TMEM273: variants seen among roughly 807,000 people sequenced by gnomAD.
TMEM273 encodes the protein transmembrane protein 273, also known as chromosome 10 open reading frame 128.
TMEM273 carries 19 observed loss-of-function variants against 17.9 expected under a neutral mutation model. The ratio of observed to expected loss-of-function variants is 1.06; its 90% CI spans 0.74 to 1.55. The LOEUF (loss-of-function observed/expected upper bound fraction) is 1.55, where lower values mean the gene tolerates loss of function less well. TMEM273 is among the 40% of genes most tolerant of loss of function. TMEM273 has a pLI of 0.00. For missense variants in TMEM273, 194 were observed against 155.6 expected (o/e 1.25, Z -1.31); for synonymous variants, 66 against 62.0 (o/e 1.07, Z -0.31).
intron 3 of TMEM273, 22 bp from the exon 4 acceptor site, chr10:49,165,818 T>A (rs773220245): frequency 6.2e-7 from 1 of 1,614,096 alleles, no homozygotes; most frequent in East Asian, 2.2e-5. Flanking sequence ...AAGCCGGGCA[T>A]TAGGAAGGGG....
chr10:49,161,696 A>G, intron 5 of TMEM273, 74 bp from the exon 6 acceptor site: 1 of 1,590,370 alleles, frequency 6.3e-7, no homozygotes, highest in Non-Finnish European at 8.6e-7. Context: ...ACTTGCTGCA[A>G]GAGAGTGGCT....
chr10:49,178,432 G>T, intron 1 of TMEM273: 1 of 391,030 alleles, frequency 2.6e-6, no homozygotes. Flanking sequence ...CAGTACAGAG[G>T]GGAGTGGGAG....
chr10:49,157,177 C>T (rs1412691254), intron 6 of TMEM273, among the ~76,000 whole-genome samples: 1 of 152,230 alleles, frequency 6.6e-6, no homozygotes, highest in African/African-American at 2.4e-5. Flanking sequence ...AGCCTCCTCC[C>T]ACCCCTGGCT....
At chr10:49,186,099 GAAGAAGAAGAGGAAGAAGAAGAAA>G (rs1201164770) in intron 1 of TMEM273, among the ~76,000 whole-genome samples, 38 of 147,816 alleles carry the variant, frequency 2.6e-4, no homozygotes, top group African/African-American at 8.4e-4. Context: ...AGAAGAAGAA[GAAGAAGAAGAGGAAGAAGAAGAAA>G]AAGAGGAAGA....
chr10:49,172,570 T>A (rs569011593), intron 1 of TMEM273, among the ~76,000 whole-genome samples: 82 of 152,288 alleles, frequency 5.4e-4, no homozygotes, highest in Non-Finnish European at 1.0e-3. Context: ...TGTGGGGATC[T>A]GAGACTTCAC....
intron 1 of TMEM273, among the ~76,000 whole-genome samples, chr10:49,175,058 G>A (rs764005095): frequency 2.6e-4 from 39 of 151,976 alleles, no homozygotes; most frequent in South Asian, 8.3e-4. Flanking sequence ...ATAAAGTCTC[G>A]GTGAGGTGGC....
chr10:49,161,748 G>T, intron 5 of TMEM273, 126 bp from the exon 6 acceptor site: 1 of 1,050,200 alleles, frequency 9.5e-7, no homozygotes, highest in Non-Finnish European at 1.4e-6. Flanking sequence ...ACTTCCTCAT[G>T]ACTCAGCCTG....
At position 49,155,720 on chromosome 10, in the gene TMEM273, G is replaced by A; in HGVS notation, c.*172C>T. 1 of 880,454 alleles carries A rather than the reference G, an allele frequency of 1.1e-6. No homozygotes were observed. Among genetic ancestry groups the A allele is most frequent in the Non-Finnish European group, 1.8e-6 (1 of 569,506 alleles). 54.5% of individuals were successfully genotyped at this position (880,454 alleles called of 1,614,324 possible). A position where few individuals can be genotyped will look rare whatever the true frequency, so the allele number is the denominator to read the frequency against. ...AGAAGAGGCATGATATTTTCCTTCAGGACAGAGGCACTGTATATTCTATTC... is the reference window on the plus strand; with the variant it reads ...AGAAGAGGCATGATATTTTCCTTCAAGACAGAGGCACTGTATATTCTATTC... On this transcript the variant is annotated 3_prime_UTR_variant, in exon 7 of 7. Coordinates refer to ENST00000374153, the MANE Select transcript of TMEM273 (RefSeq NM_001288740.3).
rs1300941655 is a variant in TMEM273, at chr10:49,188,293, C to T, written c.43+1G>A. ...CAGAGACCCCCGCAGTCCCCACTTA[C>T]CCAGGAGGAAGAGGATCCTCAGCAT... is the stretch of plus-strand genomic sequence containing the variant. On this transcript the variant is annotated splice_donor_variant, in intron 1 of 6. Coordinates refer to ENST00000374153, the MANE Select transcript of TMEM273 (RefSeq NM_001288740.3). LOFTEE classifies it high-confidence loss of function. The T allele has an allele frequency of 5.0e-6, 8 of 1,614,054 alleles. No homozygotes were observed. Among genetic ancestry groups the T allele is most frequent in the African/African-American group, 1.3e-5 (1 of 74,946 alleles).
At chr10:49,173,734 AG>A (rs1382952718) in intron 1 of TMEM273, among the ~76,000 whole-genome samples, 1 of 152,188 alleles carries the variant, frequency 6.6e-6, no homozygotes, top group East Asian at 1.9e-4. Context: ...GGGGATGCCG[AG>A]AAAGGTGGAT....
At chr10:49,159,400 T>C (rs988548319) in intron 6 of TMEM273, among the ~76,000 whole-genome samples, 1 of 152,178 alleles carries the variant, frequency 6.6e-6, no homozygotes, top group Non-Finnish European at 1.5e-5. Context: ...AGTGGGTCTA[T>C]AGCTGCATAG....
intron 1 of TMEM273, among the ~76,000 whole-genome samples, chr10:49,184,965 CA>C (rs1315805909): frequency 6.6e-6 from 1 of 152,152 alleles, no homozygotes; most frequent in East Asian, 1.9e-4. Context: ...GTAGATAATG[CA>C]ACGTGTTCAG....
chr10:49,164,905 T>C (rs2804932), intron 5 of TMEM273, among the ~76,000 whole-genome samples: 15,492 of 151,962 alleles, frequency 0.1, 1,124 homozygotes, highest in East Asian at 0.3. Context: ...TGGGGGAGAT[T>C]GTCCTACTTC....
chr10:49,182,925 C>A lies in TMEM273; in HGVS notation c.43+5369G>T, dbSNP rs566902172. On this transcript the variant is annotated intron_variant, in intron 1 of 6. Coordinates refer to ENST00000374153, the MANE Select transcript of TMEM273 (RefSeq NM_001288740.3). ...GTCTTCTGGAAGGGAATGGATATCC[C>A]GAATCAAATCACCAGGGGCTATCAG... 7.2e-5 allele frequency among the ~76,000 whole-genome samples: 11 copies of A among 152,004 alleles called. No individual in the cohort carries two copies. The East Asian group carries it at 2.1e-3, about 29-fold the overall frequency.
intron 1 of TMEM273, among the ~76,000 whole-genome samples, chr10:49,179,796 A>G (rs7073558): frequency 6.6e-6 from 1 of 152,022 alleles, no homozygotes. Context: ...CAGAAGCCCC[A>G]AGAAAAGCCA....
At chr10:49,176,485 CA>C (rs141701448) in intron 1 of TMEM273, among the ~76,000 whole-genome samples, 37,372 of 152,208 alleles carry the variant, frequency 0.25, 4,723 homozygotes, top group Middle Eastern at 0.34. Flanking sequence ...GCAGAGAGAG[CA>C]GGGGAGGCTG....
At chr10:49,171,947 A>G (rs1297885005) in intron 1 of TMEM273, among the ~76,000 whole-genome samples, 2 of 152,218 alleles carry the variant, frequency 1.3e-5, no homozygotes, top group Admixed American at 6.5e-5. Context: ...ATTTGGGCAG[A>G]ATCAGGCTGT....
chr10:49,155,301 A>G lies in TMEM273; in HGVS notation c.*591T>C, dbSNP rs1014654542. The G allele has an allele frequency of 1.3e-5, 2 of 153,522 alleles. No homozygotes were observed. Among genetic ancestry groups the G allele is most frequent in the Non-Finnish European group, 2.9e-5 (2 of 69,000 alleles). 9.5% of individuals were successfully genotyped at this position (153,522 alleles called of 1,614,324 possible). On this transcript the variant is annotated 3_prime_UTR_variant, in exon 7 of 7. Transcript: ENST00000374153. Reference sequence around the variant, plus strand: ...TTCCATGAACACCAAAGCCCTTCCTACCACGCCAGCCCAGACTGCCATTTC... The same window carrying G: ...TTCCATGAACACCAAAGCCCTTCCTGCCACGCCAGCCCAGACTGCCATTTC...
chr10:49,177,275 G>C (rs1210831015), intron 1 of TMEM273, among the ~76,000 whole-genome samples: 4 of 152,196 alleles, frequency 2.6e-5, no homozygotes. Context: ...CTGGTCTTTT[G>C]GAAATTGAAA....
Sources: gnomAD v4.1 joint callset for allele counts (sites outside exome capture counted in the v4.1 genomes callset) on GRCh38, gnomAD v4.1.1 for gene constraint, MANE v1.5 for transcripts, NCBI Gene and HGNC (gene_info 2026-07-23, HGNC 2026-07-21) for gene names.